OPCML: variants seen among roughly 807,000 people sequenced by gnomAD.
The protein encoded by OPCML is opioid-binding protein/cell adhesion molecule.
OPCML carries 13 observed loss-of-function variants against 37.8 expected under a neutral mutation model. That is an observed-to-expected ratio of 0.34 (90% confidence interval 0.22 to 0.55). The LOEUF is 0.55. Ranked by LOEUF, OPCML falls within the 20% of genes least tolerant of loss-of-function variation. The pLI is 0.91. For missense variants in OPCML, 341 were observed against 435.6 expected, an observed-to-expected ratio of 0.78 and a Z score of 1.93; for synonymous variants, 176 against 168.8, an observed-to-expected ratio of 1.04 and a Z score of -0.33.
At chr11:133,406,633 T>C (rs1198980807) in intron 1 of OPCML, among the ~76,000 whole-genome samples, 2 of 152,222 alleles carry the variant, frequency 1.3e-5, no homozygotes, top group Non-Finnish European at 2.9e-5. Context: ...AATAATTGAA[T>C]TTGTTTTCAT....
At chr11:132,433,004 G>C (rs2096002402) in intron 7 of OPCML, among the ~76,000 whole-genome samples, 1 of 152,184 alleles carries the variant, frequency 6.6e-6, no homozygotes, top group Admixed American at 6.5e-5. Context: ...TTGGGGACTG[G>C]CCTGCTCAGA....
At chr11:132,619,829 G>C (rs1227481673) in intron 3 of OPCML, among the ~76,000 whole-genome samples, 1 of 141,268 alleles carries the variant, frequency 7.1e-6, no homozygotes, top group East Asian at 2.1e-4. Flanking sequence ...TCCAATCTGG[G>C]TGACAGAGCC....
chr11:132,898,625 T>C (rs1208914650), intron 2 of OPCML, among the ~76,000 whole-genome samples: 1 of 152,154 alleles, frequency 6.6e-6, no homozygotes, highest in East Asian at 1.9e-4. Flanking sequence ...CAATATATGA[T>C]CCTGTTTTTC....
intron 2 of OPCML, among the ~76,000 whole-genome samples, chr11:132,761,174 G>C (rs1946247314): frequency 6.6e-6 from 1 of 150,620 alleles, no homozygotes; most frequent in African/African-American, 2.4e-5. Context: ...TCTGCTGTTA[G>C]TCTGATGAGC....
At chr11:132,465,882 T>G (rs1464252266) in intron 4 of OPCML, among the ~76,000 whole-genome samples, 1 of 152,246 alleles carries the variant, frequency 6.6e-6, no homozygotes, top group Non-Finnish European at 1.5e-5. Flanking sequence ...AAGTTCTTTA[T>G]TTTGCATGAT....
At position 133,039,739 on chromosome 11, in the gene OPCML, C is replaced by T. The variant is rs757411810; in HGVS notation, c.62-96729G>A. Among the ~76,000 whole-genome samples the T allele has an allele frequency of 6.6e-4, 100 of 152,084 alleles. 1 individual carries two copies. The highest frequency in any genetic ancestry group is 7.9e-4 in the Non-Finnish European group (54 of 67,998). On this transcript the variant is annotated intron_variant, in intron 1 of 7. Coordinates refer to ENST00000524381, the MANE Select transcript of OPCML (RefSeq NM_001012393.5). ...CAATCATCAGGCAGACGTCGTGGACCGAAAGCAAGGCTCCTCATTCATGTG... is the reference window on the plus strand; with the variant it reads ...CAATCATCAGGCAGACGTCGTGGACTGAAAGCAAGGCTCCTCATTCATGTG...
intron 2 of OPCML, among the ~76,000 whole-genome samples, chr11:132,781,623 ATT>A (rs375426070): frequency 4.3e-5 from 6 of 140,554 alleles, no homozygotes; most frequent in South Asian, 2.3e-4. Flanking sequence ...CACACACCCT[ATT>A]TTTTTTTTTT....
intron 2 of OPCML, among the ~76,000 whole-genome samples, chr11:132,662,994 C>T (rs1037707005): frequency 6.6e-5 from 10 of 152,122 alleles, no homozygotes; most frequent in Admixed American, 2.6e-4. Flanking sequence ...TCCTTTGTTA[C>T]GGTAATAATA....
chr11:133,271,548 G>A (rs1404613826), intron 1 of OPCML, among the ~76,000 whole-genome samples: 2 of 152,184 alleles, frequency 1.3e-5, no homozygotes, highest in Non-Finnish European at 2.9e-5. Context: ...CTTACTGTGT[G>A]TGTGGCACTA....
chr11:132,683,374 CA>C (rs1565773100), intron 2 of OPCML, among the ~76,000 whole-genome samples: 1 of 151,958 alleles, frequency 6.6e-6, no homozygotes, highest in African/African-American at 2.4e-5. Context: ...GACTCTGTCT[CA>C]AAAAATAAAA....
At chr11:133,403,253 C>T (rs1413482863) in intron 1 of OPCML, among the ~76,000 whole-genome samples, 4 of 152,160 alleles carry the variant, frequency 2.6e-5, no homozygotes. Context: ...AAATAGTATA[C>T]TTAATATATT....
chr11:133,271,247 TCCCAGAACCTGGCC>T (rs1021566837), intron 1 of OPCML, among the ~76,000 whole-genome samples: 1 of 152,192 alleles, frequency 6.6e-6, no homozygotes, highest in African/African-American at 2.4e-5. Flanking sequence ...TATCTCAATA[TCCCAGAACCTGGCC>T]CAGAGTAAAC....
intron 2 of OPCML, among the ~76,000 whole-genome samples, chr11:132,747,643 G>A (rs944167178): frequency 5.9e-5 from 9 of 152,200 alleles, no homozygotes; most frequent in African/African-American, 2.2e-4. Context: ...GCGATTGACT[G>A]CATCTTTTAC....
intron 1 of OPCML, chr11:133,423,039 T>C: frequency 6.1e-6 from 6 of 985,044 alleles, no homozygotes; most frequent in Non-Finnish European, 7.2e-6. Flanking sequence ...GAACCTCTAC[T>C]GTTCCTCTTA....
intron 2 of OPCML, among the ~76,000 whole-genome samples, chr11:132,683,986 C>T (rs1943060784): frequency 6.6e-6 from 1 of 151,982 alleles, no homozygotes; most frequent in African/African-American, 2.4e-5. Context: ...TATTTGTCTC[C>T]AACTTTATAC....
At chr11:133,329,401 G>C (rs1232271837) in intron 1 of OPCML, among the ~76,000 whole-genome samples, 1 of 152,086 alleles carries the variant, frequency 6.6e-6, no homozygotes, top group Admixed American at 6.6e-5. Flanking sequence ...AAAGAACAAA[G>C]CTGGAGGCAT....
At chr11:133,478,045 C>T (rs1300805990) in intron 1 of OPCML, among the ~76,000 whole-genome samples, 1 of 152,166 alleles carries the variant, frequency 6.6e-6, no homozygotes, top group Non-Finnish European at 1.5e-5. Context: ...TGGCTTGCGA[C>T]TAATTAAGTG....
intron 1 of OPCML, among the ~76,000 whole-genome samples, chr11:133,504,752 G>A (rs1947990410): frequency 1.3e-5 from 2 of 152,196 alleles, no homozygotes; most frequent in East Asian, 1.9e-4. Flanking sequence ...CATTGTCCCT[G>A]CTAGGTTTTG....
intron 1 of OPCML, among the ~76,000 whole-genome samples, chr11:132,962,169 C>T (rs1001337744): frequency 6.6e-6 from 1 of 152,208 alleles, no homozygotes; most frequent in Non-Finnish European, 1.5e-5. Flanking sequence ...TTCATCCTGG[C>T]GTTTGTTTTA....
Sources: gnomAD v4.1 joint callset for allele counts (sites outside exome capture counted in the v4.1 genomes callset) on GRCh38, gnomAD v4.1.1 for gene constraint, MANE v1.5 for transcripts, NCBI Gene and HGNC (gene_info 2026-07-23, HGNC 2026-07-21) for gene names.